The following XPR1 variants were observed in gnomAD, a reference collection of about 807,000 sequenced individuals.
XPR1 encodes the protein solute carrier family 53 member 1.
XPR1 carries 28 observed loss-of-function variants against 87.5 expected under a neutral mutation model. The ratio of observed to expected loss-of-function variants is 0.32; its 90% CI spans 0.24 to 0.44. The LOEUF (loss-of-function observed/expected upper bound fraction) is 0.44. Ranked by LOEUF, XPR1 falls within the 20% of genes least tolerant of loss-of-function variation. The probability of loss-of-function intolerance (pLI) is 1.00; values close to 1 mark genes in which losing one functional copy is unlikely to be tolerated. For synonymous variants in XPR1, 300 were observed against 306.1 expected, an observed-to-expected ratio of 0.98 and a Z score of 0.21; for missense variants, 559 against 862.3, an observed-to-expected ratio of 0.65 and a Z score of 4.41.
chr1:180,882,049 T>G (rs920427082), intron 14 of XPR1, among the ~76,000 whole-genome samples: 1 of 152,178 alleles, frequency 6.6e-6, no homozygotes, highest in Non-Finnish European at 1.5e-5. Flanking sequence ...TAAGTGTGAT[T>G]GGTGACCTCA....
chr1:180,648,467 T>C (rs1406363945), intron 1 of XPR1, among the ~76,000 whole-genome samples: 1 of 152,226 alleles, frequency 6.6e-6, no homozygotes, highest in African/African-American at 2.4e-5. Flanking sequence ...CCACTAAATA[T>C]CTATAGAAAG....
rs1649608452 is a variant in XPR1 at position 180,797,042 on chromosome 1, T to G, written c.224-6346T>G. Among the ~76,000 whole-genome samples the G allele has an allele frequency of 2.0e-5, 3 of 152,144 alleles. No homozygotes were observed. The South Asian group carries it at 6.2e-4, about 32-fold the overall frequency. ...GGGGATTGACAGCTAATGGCCATGA[T>G]GGAAGTATAGGAGGTGACAGAAATG... On this transcript the variant is annotated intron_variant, in intron 3 of 14. Coordinates refer to ENST00000367590, the MANE Select transcript of XPR1 (RefSeq NM_004736.4).
At chr1:180,727,311 CAAGA>C (rs1442098239) in intron 2 of XPR1, among the ~76,000 whole-genome samples, 1 of 151,934 alleles carries the variant, frequency 6.6e-6, no homozygotes, top group South Asian at 2.1e-4. Context: ...GGATCTTGCG[CAAGA>C]AAGAATGTGA....
intron 11 of XPR1, among the ~76,000 whole-genome samples, chr1:180,862,358 G>T (rs1652251028): frequency 1.3e-5 from 2 of 152,006 alleles, no homozygotes; most frequent in Non-Finnish European, 2.9e-5. Context: ...TACACTAGAT[G>T]TAGGTAACTT....
intron 2 of XPR1, among the ~76,000 whole-genome samples, chr1:180,762,721 A>T (rs1027081850): frequency 6.6e-6 from 1 of 152,238 alleles, no homozygotes; most frequent in African/African-American, 2.4e-5. Flanking sequence ...CTAATGAAAC[A>T]TTACTGTTTG....
chr1:180,832,353 G>T (rs1651096181), intron 9 of XPR1, among the ~76,000 whole-genome samples: 1 of 152,140 alleles, frequency 6.6e-6, no homozygotes, highest in African/African-American at 2.4e-5. Flanking sequence ...TGTTCACTCT[G>T]CTGATAGCTT....
At chr1:180,650,054 T>C (rs1557938350) in intron 1 of XPR1, among the ~76,000 whole-genome samples, 2 of 152,200 alleles carry the variant, frequency 1.3e-5, no homozygotes, top group Non-Finnish European at 2.9e-5. Context: ...CTCTGCTGTC[T>C]TCTAAAAATT....
chr1:180,831,419 T>C (rs1651062225), intron 9 of XPR1, among the ~76,000 whole-genome samples: 1 of 150,138 alleles, frequency 6.7e-6, no homozygotes, highest in Non-Finnish European at 1.5e-5. Flanking sequence ...ATATATACTT[T>C]AAGTTCTGGG....
At chr1:180,740,993 G>A (rs1186136786) in intron 2 of XPR1, among the ~76,000 whole-genome samples, 1 of 152,154 alleles carries the variant, frequency 6.6e-6, no homozygotes, top group Admixed American at 6.5e-5. Flanking sequence ...GTTCACCAAA[G>A]GCCCACCTCC....
chr1:180,830,537 C>G (rs1651021187), intron 9 of XPR1, among the ~76,000 whole-genome samples: 1 of 152,050 alleles, frequency 6.6e-6, no homozygotes, highest in Non-Finnish European at 1.5e-5. Flanking sequence ...CAGATCCAGC[C>G]AAGTCTGAGA....
chr1:180,701,503 A>G lies in XPR1; in HGVS notation c.121+19092A>G, dbSNP rs1392196533. Among the ~76,000 whole-genome samples the G allele has an allele frequency of 2.9e-5, 4 of 139,222 alleles. 1 individual carries two copies. The highest frequency in any genetic ancestry group is 1.2e-4 in the African/African-American group (4 of 33,002). The allele number at this position is 139,222 out of a possible 152,430, so 91.3% of individuals were successfully genotyped here. Reference sequence around the variant, plus strand: ...GTGGTTTTTGTCTTTGGCTCTGTTTATATGCTGGATTACATTTATTGATTT... The same window carrying G: ...GTGGTTTTTGTCTTTGGCTCTGTTTGTATGCTGGATTACATTTATTGATTT... On this transcript the variant is annotated intron_variant, in intron 2 of 14. Coordinates refer to ENST00000367590, the MANE Select transcript of XPR1 (RefSeq NM_004736.4).
intron 3 of XPR1, among the ~76,000 whole-genome samples, chr1:180,794,982 A>G (rs1370830443): frequency 1.3e-5 from 2 of 152,354 alleles, no homozygotes; most frequent in East Asian, 3.9e-4. Flanking sequence ...AGATAAAAGC[A>G]GTATAAAAAA....
intron 2 of XPR1, among the ~76,000 whole-genome samples, chr1:180,729,417 A>G (rs1658478069): frequency 6.6e-6 from 1 of 152,198 alleles, no homozygotes; most frequent in African/African-American, 2.4e-5. Context: ...CATTCCCAAT[A>G]GTGGGAATGA....
Position 180,889,910 on chromosome 1 carries a change from T to C in XPR1, c.*5844T>C, listed in dbSNP as rs1433902032. ...TTGTGATTAGTCCTCTGTGGGTGCT[T>C]CCTTCCCTCTTTTTTCTCCCTCACT... On this transcript the variant is annotated 3_prime_UTR_variant, in exon 15 of 15. Coordinates refer to ENST00000367590, the MANE Select transcript of XPR1 (RefSeq NM_004736.4). The C allele has an allele frequency of 6.6e-6, 1 of 152,254 alleles. No individual in the cohort carries two copies. The highest frequency in any genetic ancestry group is 2.4e-5 in the African/African-American group (1 of 41,454). 9.4% of individuals were successfully genotyped at this position (152,254 alleles called of 1,614,324 possible). A position where few individuals can be genotyped will look rare whatever the true frequency, so the allele number is the denominator to read the frequency against.
chr1:180,840,200 G>T (rs1270021018), intron 11 of XPR1, among the ~76,000 whole-genome samples: 1 of 139,088 alleles, frequency 7.2e-6, no homozygotes, highest in African/African-American at 2.7e-5. Flanking sequence ...TCCGCAGTCC[G>T]GCCTGGGCGA....
At chr1:180,656,543 T>A (rs367959740) in intron 1 of XPR1, among the ~76,000 whole-genome samples, 7 of 26,070 alleles carry the variant, frequency 2.7e-4, no homozygotes, top group African/African-American at 4.9e-4. Flanking sequence ...TATATAATAT[T>A]TATATATTTA....
intron 3 of XPR1, among the ~76,000 whole-genome samples, chr1:180,789,861 G>T (rs1206309854): frequency 6.6e-6 from 1 of 152,086 alleles, no homozygotes; most frequent in African/African-American, 2.4e-5. Flanking sequence ...TACCCCAGAG[G>T]CTGCGTAGGA....
intron 2 of XPR1, among the ~76,000 whole-genome samples, chr1:180,733,714 G>A (rs1222226989): frequency 6.6e-5 from 10 of 152,270 alleles, no homozygotes; most frequent in South Asian, 6.2e-4. Flanking sequence ...AAAGGAACTC[G>A]GGAAGACGGG....
chr1:180,728,654 A>G (rs1259685388), intron 2 of XPR1, among the ~76,000 whole-genome samples: 2 of 152,216 alleles, frequency 1.3e-5, no homozygotes, highest in African/African-American at 4.8e-5. Context: ...GCATTGCTGT[A>G]TGTCATTATT....
Sources: allele counts gnomAD v4.1 joint callset (sites outside exome capture counted in the v4.1 genomes callset), GRCh38; gene constraint gnomAD v4.1.1; transcripts MANE v1.5; gene names NCBI Gene and HGNC (gene_info 2026-07-23, HGNC 2026-07-21).